PCDHA9: variants seen among roughly 807,000 people sequenced by gnomAD.
PCDHA9 encodes the protein protocadherin alpha 9.
PCDHA9 carries 62 observed loss-of-function variants against 62.0 expected under a neutral mutation model. The ratio of observed to expected loss-of-function variants is 1.00; its 90% CI spans 0.81 to 1.23. The LOEUF (loss-of-function observed/expected upper bound fraction) is 1.23, where lower values mean the gene tolerates loss of function less well. Ranked by LOEUF, PCDHA9 falls within the 50% of genes most tolerant of loss-of-function variation. The pLI is 0.00. For missense variants in PCDHA9, 1,205 were observed against 1,249.8 expected (o/e 0.96, Z 0.54); for synonymous variants, 557 against 567.6 (o/e 0.98, Z 0.27).
At position 140,909,749 on chromosome 5, in the gene PCDHA9, C is replaced by G. The variant is rs141984152; in HGVS notation, c.2394+58860C>G. On this transcript the variant is annotated intron_variant, in intron 1 of 3. Coordinates refer to ENST00000532602, the MANE Select transcript of PCDHA9 (RefSeq NM_031857.2). ...ATGCATTCTGGCACTGGGGAAATGA[C>G]CACAGGATGAGTCCAGGGACCCACT... 2.0e-3 allele frequency among the ~76,000 whole-genome samples: 298 copies of G among 152,232 alleles called. 1 individual carries two copies. Among genetic ancestry groups the G allele is most frequent in the African/African-American group, 6.9e-3 (285 of 41,526 alleles).
At chr5:140,990,780 G>A (rs900658402) in intron 3 of PCDHA9, among the ~76,000 whole-genome samples, 20 of 152,192 alleles carry the variant, frequency 1.3e-4, no homozygotes, top group African/African-American at 4.8e-4. Flanking sequence ...CTCTGTGTTG[G>A]ACGATGAACC....
chr5:140,857,951 G>A (rs569786768), intron 1 of PCDHA9: 8 of 1,597,390 alleles, frequency 5.0e-6, no homozygotes, highest in East Asian at 4.5e-5. Flanking sequence ...TACGACGCGC[G>A]CTCTGGATGA....
chr5:140,962,143 G>C (rs964011627), intron 1 of PCDHA9, among the ~76,000 whole-genome samples: 1 of 151,968 alleles, frequency 6.6e-6, no homozygotes, highest in Non-Finnish European at 1.5e-5. Flanking sequence ...CCAAAGTGCT[G>C]GGATTACAGG....
chr5:140,867,041 C>G (rs188716908), intron 1 of PCDHA9: 1 of 152,078 alleles, frequency 6.6e-6, no homozygotes, highest in East Asian at 1.9e-4. Flanking sequence ...TATGACTTGG[C>G]GTTTGTTCAG....
intron 1 of PCDHA9, 167 bp from the exon 2 acceptor site, chr5:140,978,782 A>T (rs782295456): frequency 3.1e-5 from 30 of 971,664 alleles, no homozygotes; most frequent in Non-Finnish European, 3.7e-5. Context: ...TTTTCTTCTA[A>T]AGTGCTATAT....
chr5:141,000,223 G>C (rs1190945878), intron 3 of PCDHA9, among the ~76,000 whole-genome samples: 1 of 151,642 alleles, frequency 6.6e-6, no homozygotes, highest in African/African-American at 2.4e-5. Context: ...AAATGCCTGT[G>C]TGGAGCTGAA....
At chr5:140,852,771 G>A (rs1284369835) in intron 1 of PCDHA9, 2 of 980,778 alleles carry the variant, frequency 2.0e-6, no homozygotes, top group African/African-American at 3.5e-5. Context: ...CTGATTATTT[G>A]ATGTGAATAG....
At chr5:140,876,808 G>T in intron 1 of PCDHA9, 1 of 1,614,222 alleles carries the variant, frequency 6.2e-7, no homozygotes, top group Non-Finnish European at 8.5e-7. Flanking sequence ...CGTGGAGGTG[G>T]CCGACGTGAA....
intron 1 of PCDHA9, chr5:140,870,475 G>A (rs1554164304): frequency 1.2e-6 from 2 of 1,614,096 alleles, no homozygotes; most frequent in Admixed American, 1.7e-5. Context: ...CGCACAGCCC[G>A]AGTACACCGT....
chr5:140,870,133 G>A, intron 1 of PCDHA9: 1 of 1,613,974 alleles, frequency 6.2e-7, no homozygotes, highest in African/African-American at 1.3e-5. Context: ...GGACACCAAC[G>A]ATAACTCTCC....
intron 1 of PCDHA9, chr5:140,881,349 A>G: frequency 2.0e-6 from 2 of 985,302 alleles, no homozygotes; most frequent in Non-Finnish European, 2.4e-6. Flanking sequence ...TCGGGCTACA[A>G]TGCGTGGCTT....
At chr5:140,927,447 G>A (rs1563092229) in intron 1 of PCDHA9, 7 of 1,613,982 alleles carry the variant, frequency 4.3e-6, no homozygotes, top group Non-Finnish European at 5.1e-6. Flanking sequence ...ACCCGGAGTT[G>A]GTGTTGGAGA....
At chr5:140,882,566 G>C in intron 1 of PCDHA9, 2 of 1,614,252 alleles carry the variant, frequency 1.2e-6, no homozygotes, top group Non-Finnish European at 8.5e-7. Flanking sequence ...TGGGCGGAGC[G>C]CGGAGTGCAG....
intron 2 of PCDHA9, among the ~76,000 whole-genome samples, chr5:140,979,550 T>C (rs1201791524): frequency 5.3e-5 from 8 of 152,238 alleles, no homozygotes; most frequent in Non-Finnish European, 7.3e-5. Flanking sequence ...ACATGGTTCT[T>C]CAGAAGATGA....
intron 1 of PCDHA9, chr5:140,862,939 T>G (rs2047666977): frequency 1.8e-6 from 1 of 541,782 alleles, no homozygotes; most frequent in South Asian, 1.4e-5. Flanking sequence ...GCGCTGTGAG[T>G]GAGCTGGTGC....
intron 1 of PCDHA9, chr5:140,968,458 T>C: frequency 6.2e-7 from 1 of 1,614,148 alleles, no homozygotes; most frequent in East Asian, 2.2e-5. Flanking sequence ...GCACTGTGAC[T>C]GCCAACGTAT....
Position 140,877,413 on chromosome 5 carries a change from G to T in PCDHA9, c.2394+26524G>T, listed in dbSNP as rs540811233. 2.4e-5 allele frequency: 39 copies of T among 1,613,922 alleles called. No homozygotes were observed. The East Asian group carries it at 2.5e-4, about 10-fold the overall frequency. On this transcript the variant is annotated intron_variant, in intron 1 of 3. Transcript: ENST00000532602. Reference sequence around the variant, plus strand: ...AGGCGGACGCTCCGCGCCACCGCCTGCTGGTGCTGGTGAAGGACCACGGTG... The same window carrying T: ...AGGCGGACGCTCCGCGCCACCGCCTTCTGGTGCTGGTGAAGGACCACGGTG...
rs189785800 is a variant in PCDHA9 at position 141,012,340 on chromosome 5, G to A, written c.*2403G>A. ...TTATTGCTAATAAATGAAAATGGTG[G>A]TATGAAAGAAATGGTGGTCATTTCT... On this transcript the variant is annotated 3_prime_UTR_variant, in exon 4 of 4. Transcript: ENST00000532602. The A allele has an allele frequency of 3.6e-4, 55 of 153,812 alleles. No homozygotes were observed. The East Asian group carries it at 9.6e-3, about 27-fold the overall frequency. 9.5% of individuals were successfully genotyped at this position (153,812 alleles called of 1,614,324 possible).
Position 141,010,653 on chromosome 5 carries a change from A to G in PCDHA9, c.*716A>G. On this transcript the variant is annotated 3_prime_UTR_variant, in exon 4 of 4. Transcript: ENST00000532602. ...TGCAAGCCAACAGTTCAGTGTTTTA[A>G]CAGAGAACCACCCTGGGAAACAGAA... 5.9e-6 allele frequency: 1 copy of G among 170,180 alleles called. No individual in the cohort carries two copies. The highest frequency in any genetic ancestry group is 1.3e-5 in the Non-Finnish European group (1 of 78,244). 10.5% of individuals were successfully genotyped at this position (170,180 alleles called of 1,614,324 possible). A position where few individuals can be genotyped will look rare whatever the true frequency, so the allele number is the denominator to read the frequency against.
Sources: allele counts gnomAD v4.1 joint callset (sites outside exome capture counted in the v4.1 genomes callset), GRCh38; gene constraint gnomAD v4.1.1; transcripts MANE v1.5; gene names NCBI Gene and HGNC (gene_info 2026-07-23, HGNC 2026-07-21).